The following TUSC3 variants were observed in gnomAD, a reference collection of about 807,000 sequenced individuals.
TUSC3 encodes tumor suppressor candidate 3.
A neutral mutation model predicts 44.8 loss-of-function variants in TUSC3; 45 were observed. That is an observed-to-expected ratio of 1.00 (90% CI 0.79 to 1.29). The LOEUF (loss-of-function observed/expected upper bound fraction) is 1.29. TUSC3 is among the 50% of genes most tolerant of loss of function. The pLI is 0.00. For missense variants in TUSC3, 519 were observed against 437.9 expected (o/e 1.19, Z -1.65); for synonymous variants, 212 against 152.9 (o/e 1.39, Z -2.85).
the TUSC3 span, among the ~76,000 whole-genome samples, chr8:15,842,142 T>C: frequency 4.6e-5 from 7 of 152,164 alleles, no homozygotes; most frequent in African/African-American, 1.4e-4. Flanking sequence ...CAAAACCTTC[T>C]TCTTGGCATT....
the TUSC3 span, among the ~76,000 whole-genome samples, chr8:15,816,684 C>A: frequency 6.6e-6 from 1 of 152,130 alleles, no homozygotes; most frequent in African/African-American, 2.4e-5. Flanking sequence ...TTTTTAGTAC[C>A]TAGAACAAAA....
intron 2 of TUSC3, among the ~76,000 whole-genome samples, chr8:15,629,570 T>C (rs1428294256): frequency 2.1e-5 from 3 of 142,482 alleles, no homozygotes; most frequent in East Asian, 2.0e-4. Context: ...TTTTTTTTTT[T>C]CACGTGAATT....
intron 10 of TUSC3, among the ~76,000 whole-genome samples, chr8:15,761,035 C>G (rs898457662): frequency 2.0e-5 from 3 of 152,152 alleles, no homozygotes; most frequent in African/African-American, 7.2e-5. Context: ...TCAGTCATTT[C>G]ATTTTCTGCA....
chr8:15,700,922 G>C (rs192687986), intron 6 of TUSC3, among the ~76,000 whole-genome samples: 165 of 138,330 alleles, frequency 1.2e-3, no homozygotes, highest in Middle Eastern at 4.3e-3. Context: ...ATCCAGTCCA[G>C]GATATGTGAA....
chr8:15,620,074 A>T (rs1158472020), intron 1 of TUSC3, among the ~76,000 whole-genome samples: 1 of 152,186 alleles, frequency 6.6e-6, no homozygotes, highest in Non-Finnish European at 1.5e-5. Flanking sequence ...ACAAACAAAC[A>T]AACTGCAAAT....
chr8:15,596,102 T>C (rs934870380), intron 1 of TUSC3, among the ~76,000 whole-genome samples: 16 of 152,234 alleles, frequency 1.1e-4, no homozygotes, highest in African/African-American at 3.9e-4. Context: ...TTTCTCAGAA[T>C]GAGTTTACAA....
At chr8:15,771,098 G>A (rs143024580), downstream of TUSC3, among the ~76,000 whole-genome samples, 89 of 152,256 alleles carry the variant, frequency 5.8e-4, 1 homozygote, top group African/African-American at 2.0e-3. Context: ...AGGCAGAAAG[G>A]CATTTTACAG....
At chr8:15,437,101 C>G (rs999588097) in intron 1 of TUSC3, among the ~76,000 whole-genome samples, 1 of 152,080 alleles carries the variant, frequency 6.6e-6, no homozygotes, top group Non-Finnish European at 1.5e-5. Context: ...ATTAAGATAT[C>G]TCTAAAACTG....
chr8:15,693,307 C>A (rs1208801493), intron 6 of TUSC3, among the ~76,000 whole-genome samples: 1 of 151,998 alleles, frequency 6.6e-6, no homozygotes, highest in Non-Finnish European at 1.5e-5. Flanking sequence ...CTTTTCTTTC[C>A]ACATTTAGTA....
intron 1 of TUSC3, among the ~76,000 whole-genome samples, chr8:15,472,669 T>C (rs775893051): frequency 9.9e-5 from 15 of 152,162 alleles, no homozygotes; most frequent in Non-Finnish European, 2.1e-4. Flanking sequence ...TATAAGAACA[T>C]AGTTTGCCCA....
Position 15,714,260 on chromosome 8 carries a change from C to T in TUSC3, c.799-16406C>T, listed in dbSNP as rs529577215. 3.9e-5 allele frequency among the ~76,000 whole-genome samples: 6 copies of T among 152,082 alleles called. No individual in the cohort carries two copies. The South Asian group carries it at 6.2e-4, about 16-fold the overall frequency. On this transcript the variant is annotated intron_variant, in intron 6 of 10. Coordinates refer to ENST00000503731, the MANE Select transcript of TUSC3 (RefSeq NM_006765.4). ...TTATAAAGGATTTGAATGATTAATC[C>T]GTAAAGTAAATCTGTGTAAATAACA...
the TUSC3 span, among the ~76,000 whole-genome samples, chr8:15,851,624 C>T: frequency 6.6e-6 from 1 of 152,186 alleles, no homozygotes; most frequent in East Asian, 1.9e-4. Context: ...CTGACTTCAA[C>T]TCCTGAGATT....
intron 6 of TUSC3, among the ~76,000 whole-genome samples, chr8:15,718,881 A>C (rs754449689): frequency 6.6e-6 from 1 of 152,088 alleles, no homozygotes; most frequent in Non-Finnish European, 1.5e-5. Flanking sequence ...CCTTTTGTAT[A>C]AAAACACACA....
intron 1 of TUSC3, among the ~76,000 whole-genome samples, chr8:15,436,925 A>G (rs188459686): frequency 2.6e-5 from 4 of 152,350 alleles, no homozygotes; most frequent in Admixed American, 2.0e-4. Flanking sequence ...TTGATAATTC[A>G]GATCAATCTT....
At chr8:15,797,186 C>A in the TUSC3 span, among the ~76,000 whole-genome samples, 1 of 152,116 alleles carries the variant, frequency 6.6e-6, no homozygotes, top group Non-Finnish European at 1.5e-5. Flanking sequence ...AAATGGAAAG[C>A]GTATTTCAGT....
At chr8:15,743,671 C>T in intron 8 of TUSC3, 59 bp downstream of exon 8, 1 of 1,554,030 alleles carries the variant, frequency 6.4e-7, no homozygotes, top group Non-Finnish European at 8.9e-7. Flanking sequence ...TCATTTAAGT[C>T]AAATGGGAAA....
intron 2 of TUSC3, among the ~76,000 whole-genome samples, chr8:15,498,435 C>G (rs1048066024): frequency 2.0e-5 from 3 of 152,060 alleles, no homozygotes; most frequent in Non-Finnish European, 2.9e-5. Flanking sequence ...GTAGGAGAAC[C>G]GGAGCAGGGA....
At chr8:15,525,121 G>C (rs1001483282) in intron 2 of TUSC3, among the ~76,000 whole-genome samples, 1 of 152,186 alleles carries the variant, frequency 6.6e-6, no homozygotes, top group Non-Finnish European at 1.5e-5. Context: ...CCATTAACCA[G>C]AAACAAAGAG....
the TUSC3 span, among the ~76,000 whole-genome samples, chr8:15,786,806 T>C: frequency 6.6e-6 from 1 of 151,048 alleles, no homozygotes. Context: ...TAGCTGGGTG[T>C]GGTGGTGGGC....
Sources: gnomAD v4.1 joint callset for allele counts (sites outside exome capture counted in the v4.1 genomes callset) on GRCh38, gnomAD v4.1.1 for gene constraint, MANE v1.5 for transcripts, NCBI Gene and HGNC (gene_info 2026-07-23, HGNC 2026-07-21) for gene names.